GLI3: variants seen among roughly 807,000 people sequenced by gnomAD.
GLI3 encodes the protein transcription activator GLI3.
Under a neutral mutation model 100.8 loss-of-function variants are expected in GLI3, and 20 were observed. That is an observed-to-expected ratio of 0.20 (90% CI 0.14 to 0.29). The LOEUF (loss-of-function observed/expected upper bound fraction) is 0.29, where lower values mean the gene tolerates loss of function less well. Among genes scored for constraint, GLI3 ranks in the 10% least tolerant of loss-of-function variants. The pLI, the probability that GLI3 is intolerant of heterozygous loss-of-function variation, is 1.00. For missense variants in GLI3, 2,040 were observed against 2,128.5 expected (o/e 0.96, Z 0.82); for synonymous variants, 938 against 860.5 (o/e 1.09, Z -1.58).
chr7:42,111,027 C>T (rs926750510), intron 3 of GLI3, among the ~76,000 whole-genome samples: 1 of 152,186 alleles, frequency 6.6e-6, no homozygotes. Flanking sequence ...GAAGGCTATT[C>T]ATCTTCTGTA....
At chr7:42,169,405 A>G (rs1249258741) in intron 2 of GLI3, among the ~76,000 whole-genome samples, 5 of 152,064 alleles carry the variant, frequency 3.3e-5, no homozygotes, top group Non-Finnish European at 7.3e-5. Context: ...TGTTATGAAA[A>G]AAATAAAATT....
At chr7:42,045,313 ATCT>A in intron 6 of GLI3, 68 bp downstream of exon 6, 4 of 1,381,120 alleles carry the variant, frequency 2.9e-6, no homozygotes, top group Non-Finnish European at 3.1e-6. Flanking sequence ...TAATCTTTGT[ATCT>A]TCTTCTCTGT....
chr7:42,162,982 T>G (rs1583611948), intron 2 of GLI3, among the ~76,000 whole-genome samples: 1 of 142,216 alleles, frequency 7.0e-6, no homozygotes, highest in African/African-American at 2.7e-5. Context: ...TTTTTTTTTT[T>G]TTTTTTTTTT....
At chr7:42,017,403 T>C (rs73320265) in intron 10 of GLI3, among the ~76,000 whole-genome samples, 89 of 152,204 alleles carry the variant, frequency 5.8e-4, no homozygotes, top group African/African-American at 2.0e-3. Context: ...GATGAATGAA[T>C]TAAGAAAGTA....
rs777267964 is a variant in GLI3, at chr7:42,172,734, T to C, written c.125-24266A>G. ...CAGCAGTGGAGCTGAGAGTTTTCCG[T>C]GAGTAAAGTTAACACATTTCATTAC... On this transcript the variant is annotated intron_variant, in intron 2 of 14. Transcript: ENST00000395925. 29 of 668,942 alleles carry C rather than the reference T, an allele frequency of 4.3e-5. No individual in the cohort carries two copies. The African/African-American group carries it at 5.0e-4, about 12-fold the overall frequency. 41.4% of individuals were successfully genotyped at this position (668,942 alleles called of 1,614,324 possible).
At chr7:41,984,203 A>G (rs1004633596) in intron 10 of GLI3, among the ~76,000 whole-genome samples, 2 of 152,188 alleles carry the variant, frequency 1.3e-5, no homozygotes, top group Admixed American at 1.3e-4. Flanking sequence ...AGATGCCACA[A>G]TGGACTTTAC....
intron 2 of GLI3, among the ~76,000 whole-genome samples, chr7:42,184,360 T>A (rs898863781): frequency 1.3e-5 from 2 of 152,268 alleles, no homozygotes; most frequent in Middle Eastern, 6.8e-3. Flanking sequence ...CCTTCAGGTG[T>A]CTCAGGGTCC....
chr7:42,206,687 GAT>G (rs1788162137), intron 2 of GLI3, among the ~76,000 whole-genome samples: 1 of 152,326 alleles, frequency 6.6e-6, no homozygotes, highest in Admixed American at 6.5e-5. Context: ...TGCATTATCA[GAT>G]AAAATGTACT....
At chr7:42,120,039 A>G (rs1441845941) in intron 3 of GLI3, among the ~76,000 whole-genome samples, 2 of 152,198 alleles carry the variant, frequency 1.3e-5, no homozygotes. Context: ...ACCCGGTGCC[A>G]TGGGTCTCAA....
At chr7:42,016,105 A>G (rs1397507925) in intron 10 of GLI3, among the ~76,000 whole-genome samples, 2 of 152,136 alleles carry the variant, frequency 1.3e-5, no homozygotes, top group Non-Finnish European at 2.9e-5. Flanking sequence ...ACACCCTACA[A>G]TGCCCAGGAC....
At chr7:42,208,583 C>T (rs1273511565) in intron 2 of GLI3, among the ~76,000 whole-genome samples, 1 of 152,158 alleles carries the variant, frequency 6.6e-6, no homozygotes, top group Non-Finnish European at 1.5e-5. Context: ...GTCTGGTAAT[C>T]AAAGTTTATT....
At chr7:41,977,095 A>G (rs911728032) in intron 12 of GLI3, among the ~76,000 whole-genome samples, 1 of 152,176 alleles carries the variant, frequency 6.6e-6, no homozygotes, top group Non-Finnish European at 1.5e-5. Flanking sequence ...ATCTTTTTTG[A>G]TATAATACCA....
intron 3 of GLI3, among the ~76,000 whole-genome samples, chr7:42,134,879 C>A (rs981694685): frequency 1.3e-5 from 2 of 151,860 alleles, no homozygotes; most frequent in African/African-American, 4.8e-5. Context: ...AAAGCTGGAA[C>A]GGATCAAGCA....
intron 10 of GLI3, among the ~76,000 whole-genome samples, chr7:42,011,146 T>G (rs906805620): frequency 6.6e-6 from 1 of 152,206 alleles, no homozygotes; most frequent in Non-Finnish European, 1.5e-5. Context: ...CCACTGTAGA[T>G]GTATGGAGTT....
chr7:42,234,037 C>A (rs971651921), intron 1 of GLI3, among the ~76,000 whole-genome samples: 4 of 152,184 alleles, frequency 2.6e-5, no homozygotes, highest in African/African-American at 7.2e-5. Context: ...TCAAAGAATT[C>A]TTTAGCTGGG....
intron 2 of GLI3, among the ~76,000 whole-genome samples, chr7:42,167,537 G>A (rs1257520794): frequency 2.6e-5 from 4 of 151,970 alleles, no homozygotes; most frequent in Non-Finnish European, 4.4e-5. Flanking sequence ...ATTTTAAATA[G>A]GTATATATAC....
chr7:41,979,109 T>C (rs896303614), intron 10 of GLI3, among the ~76,000 whole-genome samples: 2 of 152,194 alleles, frequency 1.3e-5, no homozygotes, highest in Admixed American at 6.5e-5. Context: ...ATCTCTGTCA[T>C]TTTTCCTTGC....
chr7:42,163,691 A>G (rs938801595), intron 2 of GLI3, among the ~76,000 whole-genome samples: 2 of 152,050 alleles, frequency 1.3e-5, no homozygotes, highest in South Asian at 4.1e-4. Flanking sequence ...CAGCCTCCCA[A>G]AGTGCTGGGA....
intron 3 of GLI3, among the ~76,000 whole-genome samples, chr7:42,093,213 C>CTAAAATACAAAATTACTAAAAATA (rs1785265136): frequency 6.6e-6 from 1 of 151,758 alleles, no homozygotes. Context: ...AACCCCGTCT[C>CTAAAATACAAAATTACTAAAAATA]TACTAAAAAT....
Sources: gnomAD v4.1 joint callset for allele counts (sites outside exome capture counted in the v4.1 genomes callset) on GRCh38, gnomAD v4.1.1 for gene constraint, MANE v1.5 for transcripts, NCBI Gene and HGNC (gene_info 2026-07-23, HGNC 2026-07-21) for gene names.